The following HECTD4 variants were observed in gnomAD, a reference collection of about 807,000 sequenced individuals.
The protein encoded by HECTD4 is probable E3 ubiquitin-protein ligase HECTD4.
Under a neutral mutation model 471.5 loss-of-function variants are expected in HECTD4, and 114 were observed. The ratio of observed to expected loss-of-function variants is 0.24; its 90% CI spans 0.21 to 0.28. The LOEUF is 0.28. Among genes scored for constraint, HECTD4 ranks in the 10% least tolerant of loss-of-function variants. The pLI, the probability that HECTD4 is intolerant of heterozygous loss-of-function variation, is 1.00. For synonymous variants in HECTD4, 2,012 were observed against 2,256.0 expected (o/e 0.89, Z 3.07); for missense variants, 3,866 against 5,651.5 (o/e 0.68, Z 10.13).
intron 44 of HECTD4, among the ~76,000 whole-genome samples, chr12:112,220,472 CAG>C (rs2033055559): frequency 6.6e-6 from 1 of 151,950 alleles, no homozygotes; most frequent in African/African-American, 2.4e-5. Context: ...TTCGAGCATC[CAG>C]AAAGGCTTAA....
chr12:112,202,443 T>C (rs2032458112), intron 54 of HECTD4, among the ~76,000 whole-genome samples: 1 of 152,060 alleles, frequency 6.6e-6, no homozygotes, highest in African/African-American at 2.4e-5. Flanking sequence ...TGACCTCAAG[T>C]GATCCACCTG....
chr12:112,338,919 G>A (rs1034051010), intron 1 of HECTD4, among the ~76,000 whole-genome samples: 1 of 152,052 alleles, frequency 6.6e-6, no homozygotes, highest in African/African-American at 2.4e-5. Context: ...CCAAGAATAC[G>A]CCCCTATGAC....
Position 112,185,009 on chromosome 12 carries a change from C to T in HECTD4, c.9957G>A (p.Arg3319=), listed in dbSNP as rs372061597. 2.0e-5 allele frequency: 32 copies of T among 1,607,846 alleles called. No individual in the cohort carries two copies. Among genetic ancestry groups the T allele is most frequent in the Non-Finnish European group, 1.7e-6 (2 of 1,177,284 alleles). Residue 3319 remains arginine (R), a synonymous_variant, in exon 61 of 76, where the codon CGG becomes CGA. Coordinates refer to ENST00000682272, the MANE Select transcript of HECTD4 (RefSeq NM_001388303.1). ...GCTTGCCCGACGAGGAGGCCTTTTCCCGCTTCATCTTGACTTTTTTCCTCT... is the reference window on the plus strand; with the variant it reads ...GCTTGCCCGACGAGGAGGCCTTTTCTCGCTTCATCTTGACTTTTTTCCTCT... ...LSKRKKVKMK[R]EKASSSGKRQ...
Position 112,163,036 on chromosome 12 carries a change from C to A in HECTD4, c.13120+6G>T, listed in dbSNP as rs779335157. On this transcript the variant is annotated splice_donor_region_variant and intron_variant, in intron 75 of 75. Transcript: ENST00000682272. The surrounding 1 kb of genome is among the most constrained non-coding windows in gnomAD (Gnocchi z 8.2). ...TACTTGGGACATGGCCAGGGGAGGG[C>A]GGTACCTGCTGTGCCATCTGGGGGG... 1.9e-6 allele frequency: 3 copies of A among 1,594,816 alleles called. No homozygotes were observed. Among genetic ancestry groups the A allele is most frequent in the Non-Finnish European group, 1.7e-6 (2 of 1,166,306 alleles).
In HECTD4 at chr12:112,185,326, C is replaced by A; in HGVS notation, c.9640G>T (p.Ala3214Ser). ...QLNPCLAMLMALQSELHKLYD... is the reference protein window; with the variant it reads ...QLNPCLAMLMSLQSELHKLYD... ...AGCTTGTGGAGCTCCGACTGCAAGG[C>A]CATCAGCATGGCCAGGCAGGGGTTC... Residue 3214 changes from alanine (A) to serine (S), a missense_variant, in exon 61 of 76, where the codon GCC (alanine) becomes TCC (serine). Coordinates refer to ENST00000682272, the MANE Select transcript of HECTD4 (RefSeq NM_001388303.1). The A allele has an allele frequency of 6.3e-7, 1 of 1,587,168 alleles. No individual in the cohort carries two copies. The highest frequency in any genetic ancestry group is 8.6e-7 in the Non-Finnish European group (1 of 1,166,818).
At chr12:112,266,077 G>T in intron 14 of HECTD4, 94 bp from the exon 15 acceptor site, 1 of 807,908 alleles carries the variant, frequency 1.2e-6, no homozygotes, top group Non-Finnish European at 2.0e-6. Context: ...TAGATTGTCG[G>T]CAAGCTAGGG....
intron 1 of HECTD4, among the ~76,000 whole-genome samples, chr12:112,370,796 A>G (rs1318628353): frequency 6.6e-6 from 1 of 152,146 alleles, no homozygotes; most frequent in African/African-American, 2.4e-5. Context: ...TTTTTTAATT[A>G]ATAGATACAT....
chr12:112,225,901 T>A (rs1303860023), intron 44 of HECTD4, among the ~76,000 whole-genome samples: 3 of 152,172 alleles, frequency 2.0e-5, no homozygotes, highest in African/African-American at 7.2e-5. Context: ...TAGCTGGGAT[T>A]ACAGGCACAT....
At chr12:112,371,294 A>T (rs559034800) in intron 1 of HECTD4, among the ~76,000 whole-genome samples, 15 of 152,288 alleles carry the variant, frequency 9.8e-5, no homozygotes, top group African/African-American at 3.1e-4. Flanking sequence ...AGAAAATTCC[A>T]GCCAGGCGCG....
rs567424033 is a variant in HECTD4 at position 112,350,099 on chromosome 12, C to T, written c.178-30357G>A. Among the ~76,000 whole-genome samples the T allele has an allele frequency of 7.9e-5, 12 of 152,162 alleles. No individual in the cohort carries two copies. In the South Asian group the frequency reaches 2.1e-3, roughly 26 times the overall value. ...CCTCCCATGTAGCTGGTCCCACAGGCGCGCACCACCATGCCTGGCTAATTA... is the reference window on the plus strand; with the variant it reads ...CCTCCCATGTAGCTGGTCCCACAGGTGCGCACCACCATGCCTGGCTAATTA... On this transcript the variant is annotated intron_variant, in intron 1 of 75. Coordinates refer to ENST00000682272, the MANE Select transcript of HECTD4 (RefSeq NM_001388303.1).
chr12:112,243,998 C>G lies in HECTD4; in HGVS notation c.4525G>C (p.Ala1509Pro), dbSNP rs1172823286. 2 of 1,613,598 alleles carry G rather than the reference C, an allele frequency of 1.2e-6. No individual in the cohort carries two copies. Among genetic ancestry groups the G allele is most frequent in the East Asian group, 2.2e-5 (1 of 44,892 alleles). Residue 1509 changes from alanine to proline, a missense_variant, in exon 30 of 76, where the codon GCT (alanine) becomes CCT (proline). Transcript: ENST00000682272. The surrounding 1 kb of genome is among the most constrained non-coding windows in gnomAD (Gnocchi z 6.6). ...TGAGATATCACTTTTGTTTCAGAAG[C>G]TGATTTACAAGCTAGAAAAAAAAGG... The part of the protein sequence containing the change: ...TPAETPACKS[A>P]SETKVISHAV...
chr12:112,319,665 G>A lies in HECTD4; in HGVS notation c.255C>T (p.Ala85=). 7.4e-7 allele frequency: 1 copy of A among 1,344,130 alleles called. No individual in the cohort carries two copies. The highest frequency in any genetic ancestry group is 9.5e-7 in the Non-Finnish European group (1 of 1,051,558). 83.3% of individuals were successfully genotyped at this position (1,344,130 alleles called of 1,614,324 possible). The part of the protein sequence containing the change: ...LRSVCGNQSN[A]YARLLEYRLN... ...GGCGGTATTCCAGCAGCCGGGCATA[G>A]GCATTGCTCTGATTCCCACAAACAG... Residue 85 remains alanine, a synonymous_variant, in exon 2 of 76, where the codon GCC becomes GCT. Transcript: ENST00000682272. This position sits in a 1 kb window ranked among gnomAD's most constrained non-coding sequence, Gnocchi z 5.3.
At chr12:112,237,739 T>C (rs2033546559) in intron 34 of HECTD4, among the ~76,000 whole-genome samples, 1 of 151,966 alleles carries the variant, frequency 6.6e-6, no homozygotes, top group Admixed American at 6.6e-5. Flanking sequence ...TGCTTATTGG[T>C]CTATTTCCCT....
At chr12:112,264,906 C>T (rs1255646370) in intron 16 of HECTD4, among the ~76,000 whole-genome samples, 2 of 152,018 alleles carry the variant, frequency 1.3e-5, no homozygotes, top group Admixed American at 6.6e-5. Flanking sequence ...CTGGGATTAC[C>T]GATGTGTACC....
At position 112,160,383 on chromosome 12, in the gene HECTD4, T is replaced by G. The variant is rs1191371503; in HGVS notation, c.*2004A>C. 6.6e-6 allele frequency: 1 copy of G among 152,216 alleles called. No individual in the cohort carries two copies. Among genetic ancestry groups the G allele is most frequent in the Non-Finnish European group, 1.5e-5 (1 of 68,036 alleles). The allele number at this position is 152,216 out of a possible 1,614,324, so 9.4% of individuals were successfully genotyped here. A position where few individuals can be genotyped will look rare whatever the true frequency, so the allele number is the denominator to read the frequency against. ...TTTAGTGAGCTTCCTTTACACAGCA[T>G]GGTGTAAATAGCATCAGATTGAATG... On this transcript the variant is annotated 3_prime_UTR_variant, in exon 76 of 76. Transcript: ENST00000682272.
chr12:112,342,052 T>G (rs560897849), intron 1 of HECTD4, among the ~76,000 whole-genome samples: 1 of 152,256 alleles, frequency 6.6e-6, no homozygotes, highest in Non-Finnish European at 1.5e-5. Flanking sequence ...CTTTTTGATA[T>G]ATGAAATGAT....
rs1172727057 is a variant in HECTD4, at chr12:112,172,817, T to C, written c.11639A>G (p.Lys3880Arg). The C allele has an allele frequency of 1.2e-6, 2 of 1,613,980 alleles. No individual in the cohort carries two copies. The highest frequency in any genetic ancestry group is 8.5e-7 in the Non-Finnish European group (1 of 1,179,884). The change falls in exon 67 of 76, where the codon AAG becomes AGG. Residue 3880 changes from lysine (K) to arginine (R), a missense_variant. This residue lies in a region of HECTD4 where 715 missense variants were observed against 1,087.6 expected (regional missense o/e 0.66). Transcript: ENST00000682272. ...TGCCACGTCCATCTCCAGGGTCCACTTTCTTGAGGCCTTCTGTGCATGTCG... is the reference window on the plus strand; with the variant it reads ...TGCCACGTCCATCTCCAGGGTCCACCTTCTTGAGGCCTTCTGTGCATGTCG... ...DVRHAQKASR[K>R]WTLEMDVALV... is the part of the protein sequence containing the mutation.
At chr12:112,380,971 C>T (rs2036876193) in intron 1 of HECTD4, among the ~76,000 whole-genome samples, 1 of 152,194 alleles carries the variant, frequency 6.6e-6, no homozygotes, top group Admixed American at 6.5e-5. Context: ...CTGCGCCCTA[C>T]CCCAGAAAGC....
rs572954626 is a variant in HECTD4, at chr12:112,161,863, G to C, written c.*524C>G. ...ACATAAAGCTCCCTGTGTGTCTCAC[G>C]TGTTTGGGCAATTGGCCCAGCCACC... On this transcript the variant is annotated 3_prime_UTR_variant, in exon 76 of 76. Coordinates refer to ENST00000682272, the MANE Select transcript of HECTD4 (RefSeq NM_001388303.1). 1 of 152,734 alleles carries C rather than the reference G, an allele frequency of 6.5e-6. No individual in the cohort carries two copies. The highest frequency in any genetic ancestry group is 2.1e-4 in the South Asian group (1 of 4,840). The allele number at this position is 152,734 out of a possible 1,614,324, so 9.5% of individuals were successfully genotyped here.
Sources: gnomAD v4.1 joint callset for allele counts (sites outside exome capture counted in the v4.1 genomes callset) on GRCh38, gnomAD v4.1.1 for gene constraint, gnomAD v4.1.1 regional missense constraint, Gnocchi (gnomAD v3.1) non-coding constraint, MANE v1.5 for transcripts, NCBI Gene and HGNC (gene_info 2026-07-23, HGNC 2026-07-21) for gene names.